The following ZNF365 variants were observed in gnomAD, a reference collection of about 807,000 sequenced individuals.
ZNF365 encodes protein ZNF365.
ZNF365 carries 22 observed loss-of-function variants against 35.0 expected under a neutral mutation model. The observed-to-expected ratio is 0.63, with a 90% confidence interval of 0.45 to 0.90. The LOEUF is 0.90. Ranked by LOEUF, ZNF365 falls within the 40% of genes least tolerant of loss-of-function variation. ZNF365 has a pLI of 0.00. For missense variants in ZNF365, 448 were observed against 500.3 expected, an observed-to-expected ratio of 0.90 and a Z score of 1.00; for synonymous variants, 188 against 196.2, an observed-to-expected ratio of 0.96 and a Z score of 0.35.
chr10:62,434,275 C>G (rs1840375256), intron 3 of ZNF365, among the ~76,000 whole-genome samples: 1 of 152,012 alleles, frequency 6.6e-6, no homozygotes, highest in African/African-American at 2.4e-5. Flanking sequence ...CACAGCAAAC[C>G]TTATTTTTTT....
chr10:62,389,149 G>T (rs527964162), intron 3 of ZNF365, among the ~76,000 whole-genome samples: 29 of 152,102 alleles, frequency 1.9e-4, no homozygotes, highest in African/African-American at 6.3e-4. Flanking sequence ...TTTAAGAAAC[G>T]CCTAAAGCCC....
chr10:62,409,757 G>A (rs1370101071), intron 3 of ZNF365, among the ~76,000 whole-genome samples: 1 of 152,018 alleles, frequency 6.6e-6, no homozygotes, highest in Non-Finnish European at 1.5e-5. Flanking sequence ...AGAATCACTA[G>A]AGTTAACTAG....
rs1309663508 is a variant in ZNF365, at chr10:62,399,658, G to A, written c.1093G>A (p.Glu365Lys). ...ASMQPAKAIH[E>K]QAESSRDLCR... is the part of the protein sequence containing the mutation. ...CATGCAGCCTGCCAAGGCCATTCAC[G>A]AACAGGCTGAGTCCTCAAGAGACCT... Residue 365 changes from glutamate (E) to lysine (K), a missense_variant, in exon 5 of 5, where the codon GAA becomes AAA. Physicochemically the swap from Glu to Lys is moderately conservative, Grantham distance 56. This residue lies in a region of ZNF365 where 362 missense variants were observed against 375.7 expected (regional missense o/e 0.96). Coordinates refer to ENST00000395254, the MANE Select transcript of ZNF365 (RefSeq NM_014951.3). 16 of 1,614,000 alleles carry A rather than the reference G, an allele frequency of 9.9e-6. No individual in the cohort carries two copies. The highest frequency in any genetic ancestry group is 4.0e-5 in the African/African-American group (3 of 74,884).
At chr10:62,460,634 A>T (rs1437027256) in intron 4 of ZNF365, among the ~76,000 whole-genome samples, 1 of 152,230 alleles carries the variant, frequency 6.6e-6, no homozygotes, top group African/African-American at 2.4e-5. Context: ...AAATGGTAAT[A>T]TGAGACAGAT....
In ZNF365 at chr10:62,401,472, T is replaced by C. The variant is rs1345008829; in HGVS notation, c.*1683T>C. The C allele has an allele frequency of 1.1e-6, 1 of 938,646 alleles. No homozygotes were observed. Among genetic ancestry groups the C allele is most frequent in the African/African-American group, 2.1e-5 (1 of 48,656 alleles). 58.1% of individuals were successfully genotyped at this position (938,646 alleles called of 1,614,324 possible). A position where few individuals can be genotyped will look rare whatever the true frequency, so the allele number is the denominator to read the frequency against. On this transcript the variant is annotated 3_prime_UTR_variant, in exon 5 of 5. Coordinates refer to ENST00000395254, the MANE Select transcript of ZNF365 (RefSeq NM_014951.3). Reference sequence around the variant, plus strand: ...TGAAAATGTTCTTGAATCTTCACTTTGACTTTCAGTTTATGGGGGGGGTAG... The same window carrying C: ...TGAAAATGTTCTTGAATCTTCACTTCGACTTTCAGTTTATGGGGGGGGTAG...
chr10:62,378,197 C>T (rs754340723), intron 2 of ZNF365, among the ~76,000 whole-genome samples: 6 of 152,066 alleles, frequency 3.9e-5, no homozygotes, highest in Non-Finnish European at 1.5e-5. Context: ...TGTCTAGACC[C>T]GTTAATGGCC....
chr10:62,471,105 T>G (rs367839424), intron 4 of ZNF365, among the ~76,000 whole-genome samples: 71 of 152,132 alleles, frequency 4.7e-4, no homozygotes, highest in Admixed American at 1.2e-3. Flanking sequence ...CGTGGCTCAC[T>G]CCTGTAAGCC....
chr10:62,465,233 G>T (rs145589570), intron 4 of ZNF365, among the ~76,000 whole-genome samples: 2 of 152,190 alleles, frequency 1.3e-5, no homozygotes, highest in Non-Finnish European at 2.9e-5. Flanking sequence ...TTGGAGCAGC[G>T]CTGACACACC....
chr10:62,425,946 T>A (rs1055514250), intron 3 of ZNF365, among the ~76,000 whole-genome samples: 8 of 152,184 alleles, frequency 5.3e-5, no homozygotes, highest in African/African-American at 1.9e-4. Context: ...AATAAGATGC[T>A]CAAGTTGGTC....
intron 2 of ZNF365, among the ~76,000 whole-genome samples, chr10:62,387,989 A>G (rs555931768): frequency 2.4e-4 from 37 of 152,240 alleles, no homozygotes; most frequent in African/African-American, 8.9e-4. Context: ...CCTCAGACCC[A>G]TCTGCTGTCC....
chr10:62,429,098 T>C lies in ZNF365; in HGVS notation c.925-30643T>C, dbSNP rs1265078199. ...CTCTATCTCCAACTAGATAAGCCAA[T>C]GTGTGCCAACGTTAGTTCTGGACAG... On this transcript the variant is annotated intron_variant, in intron 3 of 4. Transcript: ENST00000395255. 3.3e-5 allele frequency among the ~76,000 whole-genome samples: 5 copies of C among 152,146 alleles called. No homozygotes were observed. In the East Asian group the frequency reaches 9.6e-4, roughly 29 times the overall value.
In ZNF365 at chr10:62,376,580, C is replaced by T. The variant is rs1371969996; in HGVS notation, c.387C>T (p.Tyr129=). Residue 129 remains tyrosine, a synonymous_variant, in exon 2 of 5, where the codon TAC becomes TAT. Coordinates refer to ENST00000395254, the MANE Select transcript of ZNF365 (RefSeq NM_014951.3). ...GGCCTGTGTCCTATGTGCAGACCTA[C>T]ACTGCCATGGACCTCCATGCAGACT... ...AERPVSYVQT[Y]TAMDLHADSL... 2 of 1,614,144 alleles carry T rather than the reference C, an allele frequency of 1.2e-6. No homozygotes were observed. Among genetic ancestry groups the T allele is most frequent in the Non-Finnish European group, 1.7e-6 (2 of 1,180,040 alleles).
At chr10:62,378,209 C>T (rs1839369022) in intron 2 of ZNF365, among the ~76,000 whole-genome samples, 1 of 152,140 alleles carries the variant, frequency 6.6e-6, no homozygotes, top group Non-Finnish European at 1.5e-5. Context: ...TTAATGGCCA[C>T]CAGAGTGACC....
intron 4 of ZNF365, among the ~76,000 whole-genome samples, chr10:62,471,990 T>TGG (rs1457468974): frequency 1.3e-5 from 2 of 152,228 alleles, no homozygotes; most frequent in African/African-American, 4.8e-5. Flanking sequence ...CTGTAAGTGT[T>TGG]CAAGCTTCAA....
At chr10:62,450,136 G>A (rs932193875) in intron 3 of ZNF365, among the ~76,000 whole-genome samples, 1 of 152,026 alleles carries the variant, frequency 6.6e-6, no homozygotes. Flanking sequence ...AGACTTAGTG[G>A]TGATTGTCTT....
intron 3 of ZNF365, among the ~76,000 whole-genome samples, chr10:62,397,873 C>G (rs1007299946): frequency 9.8e-5 from 15 of 152,286 alleles, no homozygotes; most frequent in African/African-American, 3.6e-4. Flanking sequence ...CAGATCATTT[C>G]AAGTTTTCAA....
chr10:62,477,271 A>C (rs1231670590), intron 4 of ZNF365, among the ~76,000 whole-genome samples: 1 of 152,232 alleles, frequency 6.6e-6, no homozygotes, highest in Non-Finnish European at 1.5e-5. Context: ...AAATGAAAAG[A>C]GACTGACATC....
At chr10:62,436,624 C>T (rs922319886) in intron 3 of ZNF365, among the ~76,000 whole-genome samples, 1 of 152,122 alleles carries the variant, frequency 6.6e-6, no homozygotes. Context: ...ATGAATATTT[C>T]CTGAAGCCTT....
chr10:62,384,563 T>C (rs546437248), intron 2 of ZNF365, among the ~76,000 whole-genome samples: 19 of 152,356 alleles, frequency 1.2e-4, no homozygotes, highest in Non-Finnish European at 2.2e-4. Flanking sequence ...AGCTGGACTT[T>C]GGTAGTTCCA....
Sources: allele counts gnomAD v4.1 joint callset (sites outside exome capture counted in the v4.1 genomes callset), GRCh38; gene constraint gnomAD v4.1.1; regional missense constraint gnomAD v4.1.1; transcripts MANE v1.5; gene names NCBI Gene and HGNC (gene_info 2026-07-23, HGNC 2026-07-21).